Variants in ACAP2 observed in about 807,000 individuals in gnomAD.
The protein encoded by ACAP2 is arf-GAP with coiled-coil, ANK repeat and PH domain-containing protein 2.
Under a neutral mutation model 115.8 loss-of-function variants are expected in ACAP2, and 39 were observed. The ratio of observed to expected loss-of-function variants is 0.34; its 90% CI spans 0.26 to 0.44. The LOEUF (loss-of-function observed/expected upper bound fraction) is 0.44, where lower values mean the gene tolerates loss of function less well. ACAP2 is among the 20% of genes least tolerant of loss of function. The pLI is 1.00. For missense variants in ACAP2, 662 were observed against 927.6 expected, an observed-to-expected ratio of 0.71 and a Z score of 3.72; for synonymous variants, 289 against 315.8, an observed-to-expected ratio of 0.92 and a Z score of 0.90.
chr3:195,345,223 G>C (rs1320315870), intron 5 of ACAP2, 36 bp downstream of exon 5: 3 of 1,438,562 alleles, frequency 2.1e-6, no homozygotes, highest in South Asian at 1.2e-5. Flanking sequence ...TCATTAACTA[G>C]TTAATTTTCT....
At chr3:195,325,411 C>A (rs1208387560) in intron 9 of ACAP2, 2 of 394,334 alleles carry the variant, frequency 5.1e-6, no homozygotes, top group Admixed American at 6.5e-5. Flanking sequence ...TTTTAGTGGA[C>A]TGATTTTTTT....
chr3:195,412,544 G>A lies in ACAP2; in HGVS notation c.54-20397C>T, dbSNP rs917916943. Among the ~76,000 whole-genome samples, 7 of 152,166 alleles carry A rather than the reference G, an allele frequency of 4.6e-5. No individual in the cohort carries two copies. In the East Asian group the frequency reaches 5.8e-4, roughly 13 times the overall value. ...GGAGAAGCGCTTGAACCCGGGAGGC[G>A]GAGGTTGCAATGAGCTGAGATGGCA... On this transcript the variant is annotated intron_variant, in intron 1 of 22. Transcript: ENST00000326793.
intron 4 of ACAP2, among the ~76,000 whole-genome samples, chr3:195,378,615 C>T (rs1459592616): frequency 6.6e-6 from 1 of 152,252 alleles, no homozygotes; most frequent in South Asian, 2.1e-4. Context: ...AATCCCAACA[C>T]TATGGAAGGC....
rs1193290814 is a variant in ACAP2, at chr3:195,295,708, C to G, written c.1672G>C (p.Val558Leu). The G allele has an allele frequency of 1.9e-6, 3 of 1,613,862 alleles. No individual in the cohort carries two copies. The highest frequency in any genetic ancestry group is 2.5e-6 in the Non-Finnish European group (3 of 1,179,946). Residue 558 changes from valine to leucine, a missense_variant and splice_region_variant, in exon 17 of 23, where the codon GTC (valine) becomes CTC (leucine). Physicochemically the swap from Val to Leu is conservative, Grantham distance 32. This residue lies in a region of ACAP2 where 133 missense variants were observed against 123.1 expected (regional missense o/e 1.08). Transcript: ENST00000326793. The stretch of plus-strand genomic sequence containing the variant: ...GACACAGTAAGAAAGTTTGCCATAC[C>G]TGAACTTTGGGCAGATGCTCTGACT... ...DQVRASAQSS[V>L]RSNDSGIQQS...
At chr3:195,412,753 C>A in intron 1 of ACAP2, 1 of 298,506 alleles carries the variant, frequency 3.4e-6, no homozygotes, top group Non-Finnish European at 6.9e-6. Context: ...CCGTAACTGC[C>A]TTTGAAATAA....
At chr3:195,421,389 A>G (rs9814214) in intron 1 of ACAP2, among the ~76,000 whole-genome samples, 46,155 of 152,120 alleles carry the variant, frequency 0.3, 8,066 homozygotes, top group East Asian at 0.82. Flanking sequence ...GAAGGCAAAG[A>G]TCTTGACACA....
chr3:195,421,440 A>G (rs948388004), intron 1 of ACAP2, among the ~76,000 whole-genome samples: 3 of 152,364 alleles, frequency 2.0e-5, no homozygotes, highest in South Asian at 2.1e-4. Flanking sequence ...CTCTACCTTC[A>G]TAACAGTGTC....
chr3:195,407,351 A>AT (rs1305949643), intron 1 of ACAP2, among the ~76,000 whole-genome samples: 1 of 151,930 alleles, frequency 6.6e-6, no homozygotes, highest in African/African-American at 2.4e-5. Flanking sequence ...AGTTTGAGTT[A>AT]TTTTTTAAAT....
chr3:195,396,305 C>A (rs1711770751), intron 1 of ACAP2, among the ~76,000 whole-genome samples: 1 of 151,502 alleles, frequency 6.6e-6, no homozygotes, highest in Admixed American at 6.6e-5. Context: ...AGCAAGTTTA[C>A]CACCAAGACA....
At position 195,344,443 on chromosome 3, in the gene ACAP2, C is replaced by T. The variant is rs191750156; in HGVS notation, c.344+816G>A. On this transcript the variant is annotated intron_variant, in intron 5 of 22. Coordinates refer to ENST00000326793, the MANE Select transcript of ACAP2 (RefSeq NM_012287.6). ...AAAAACTTTCCTAATATGGAAATCTCTGATTTTTAAAATTTCTAGTTCTAT... is the reference window on the plus strand; with the variant it reads ...AAAAACTTTCCTAATATGGAAATCTTTGATTTTTAAAATTTCTAGTTCTAT... Among the ~76,000 whole-genome samples the T allele has an allele frequency of 2.7e-3, 414 of 151,984 alleles. 3 individuals carry two copies. Among genetic ancestry groups the T allele is most frequent in the Non-Finnish European group, 3.8e-3 (261 of 67,988 alleles).
intron 16 of ACAP2, 35 bp from the exon 17 acceptor site, chr3:195,295,927 A>C (rs1473533622): frequency 3.2e-6 from 5 of 1,566,464 alleles, no homozygotes; most frequent in Non-Finnish European, 4.3e-6. Flanking sequence ...TGTTTTGCTT[A>C]ATCTCTCAGC....
intron 4 of ACAP2, among the ~76,000 whole-genome samples, chr3:195,356,918 G>A (rs1398692587): frequency 6.6e-6 from 1 of 151,574 alleles, no homozygotes; most frequent in South Asian, 2.1e-4. Flanking sequence ...GTGGCTACGA[G>A]GAAAGACTCC....
At chr3:195,305,626 C>T (rs898983630) in intron 13 of ACAP2, among the ~76,000 whole-genome samples, 1 of 152,236 alleles carries the variant, frequency 6.6e-6, no homozygotes, top group African/African-American at 2.4e-5. Flanking sequence ...ATGCTGCAGG[C>T]TTAGGGAGCA....
chr3:195,340,202 C>A (rs1730776616), intron 6 of ACAP2, among the ~76,000 whole-genome samples: 1 of 150,240 alleles, frequency 6.7e-6, no homozygotes, highest in Non-Finnish European at 1.5e-5. Flanking sequence ...AAGAGGTACA[C>A]AGGAGGAATT....
chr3:195,358,994 G>A (rs1033818917), intron 4 of ACAP2, among the ~76,000 whole-genome samples: 12 of 152,124 alleles, frequency 7.9e-5, no homozygotes, highest in Non-Finnish European at 1.8e-4. Flanking sequence ...CTTTTCAATG[G>A]AAACCTTACA....
intron 3 of ACAP2, 91 bp from the exon 4 acceptor site, chr3:195,381,153 T>C: frequency 1.1e-6 from 1 of 900,162 alleles, no homozygotes. Flanking sequence ...TGACAGAAGA[T>C]CAAGTTACAC....
intron 1 of ACAP2, among the ~76,000 whole-genome samples, chr3:195,436,523 G>A (rs1715554221): frequency 6.6e-6 from 1 of 152,022 alleles, no homozygotes. Flanking sequence ...TTTGGGTACT[G>A]TTTGCATGGT....
At chr3:195,423,894 C>CA (rs1179639766) in intron 1 of ACAP2, among the ~76,000 whole-genome samples, 121 of 148,284 alleles carry the variant, frequency 8.2e-4, no homozygotes, top group African/African-American at 2.7e-3. Context: ...GGACTATTGA[C>CA]AAAAAAAAAC....
chr3:195,357,668 G>A (rs1454023550), intron 4 of ACAP2: 1 of 152,172 alleles, frequency 6.6e-6, no homozygotes, highest in African/African-American at 2.4e-5. Flanking sequence ...GAGAAAGTAA[G>A]GGAAGAAAAC....
Sources: gnomAD v4.1 joint callset for allele counts (sites outside exome capture counted in the v4.1 genomes callset) on GRCh38, gnomAD v4.1.1 for gene constraint, gnomAD v4.1.1 regional missense constraint, MANE v1.5 for transcripts, NCBI Gene and HGNC (gene_info 2026-07-23, HGNC 2026-07-21) for gene names.